The following NTRK3 variants were observed in gnomAD, a reference collection of about 807,000 sequenced individuals.
NTRK3 encodes the protein NT-3 growth factor receptor.
A neutral mutation model predicts 91.7 loss-of-function variants in NTRK3; 24 were observed. The observed-to-expected ratio is 0.26, with a 90% CI of 0.19 to 0.37. The LOEUF (loss-of-function observed/expected upper bound fraction) is 0.37. NTRK3 is among the 10% of genes least tolerant of loss of function. The probability of loss-of-function intolerance (pLI) is 1.00; values close to 1 mark genes in which losing one functional copy is unlikely to be tolerated. For synonymous variants in NTRK3, 483 were observed against 404.0 expected (o/e 1.20, Z -2.34); for missense variants, 880 against 1,068.9 (o/e 0.82, Z 2.46).
intron 13 of NTRK3, among the ~76,000 whole-genome samples, chr15:88,107,183 G>A (rs538443262): frequency 2.2e-4 from 34 of 151,956 alleles, no homozygotes; most frequent in African/African-American, 8.2e-4. Flanking sequence ...GTGCTCACAT[G>A]TGTAATCCCA....
chr15:87,953,081 C>T (rs2141131211), intron 14 of NTRK3, among the ~76,000 whole-genome samples: 1 of 152,362 alleles, frequency 6.6e-6, no homozygotes, highest in South Asian at 2.1e-4. Context: ...ACCACATCCT[C>T]TGAGCTGACT....
chr15:88,113,453 T>C (rs2051672864), intron 13 of NTRK3, among the ~76,000 whole-genome samples: 1 of 151,328 alleles, frequency 6.6e-6, no homozygotes, highest in African/African-American at 2.4e-5. Context: ...GTAGCTGGGA[T>C]TAAAGGTGCA....
intron 14 of NTRK3, among the ~76,000 whole-genome samples, chr15:88,019,067 T>G (rs1173537545): frequency 6.6e-6 from 1 of 152,000 alleles, no homozygotes; most frequent in African/African-American, 2.4e-5. Context: ...GCAGAAATGT[T>G]TCATCACCCA....
At chr15:87,917,546 A>G (rs1340673744) in intron 17 of NTRK3, among the ~76,000 whole-genome samples, 6 of 152,224 alleles carry the variant, frequency 3.9e-5, no homozygotes, top group Non-Finnish European at 5.9e-5. Flanking sequence ...CAATTTAAAA[A>G]TCCATCCTGG....
chr15:88,056,274 C>T (rs1431458505), intron 13 of NTRK3, among the ~76,000 whole-genome samples: 1 of 147,340 alleles, frequency 6.8e-6, no homozygotes. Flanking sequence ...GGAAATAGAG[C>T]AAAATTTATG....
At chr15:88,070,247 G>A (rs1160931377) in intron 13 of NTRK3, among the ~76,000 whole-genome samples, 1 of 152,168 alleles carries the variant, frequency 6.6e-6, no homozygotes, top group African/African-American at 2.4e-5. Context: ...CTGAGATCTA[G>A]CAGCCTTGGG....
At position 88,240,463 on chromosome 15, in the gene NTRK3, G is replaced by C. The variant is rs2052234560; in HGVS notation, c.248+15443C>G. 6.6e-6 allele frequency among the ~76,000 whole-genome samples: 1 copy of C among 152,090 alleles called. No homozygotes were observed. The highest frequency in any genetic ancestry group is 1.5e-5 in the Non-Finnish European group (1 of 68,010). ...ATCTCAAACTCCACTGAGTCCCAAGGGCCCCTTCTACCCCACCCTCCTTAC... is the reference window on the plus strand; with the variant it reads ...ATCTCAAACTCCACTGAGTCCCAAGCGCCCCTTCTACCCCACCCTCCTTAC... On this transcript the variant is annotated intron_variant, in intron 3 of 18. Coordinates refer to ENST00000394480, the Ensembl canonical transcript of NTRK3. The surrounding 1 kb of genome is among the most constrained non-coding windows in gnomAD (Gnocchi z 4.9).
chr15:87,868,694 T>C (rs2064750892), exon 19 of NTRK3: 1 of 219,522 alleles, frequency 4.6e-6, no homozygotes, highest in Admixed American at 5.8e-5. Context: ...AATTTCAGCT[T>C]TGAGGTTCTA....
rs367713904 is a variant in NTRK3 at position 88,169,956 on chromosome 15, C to T, written c.395+13462G>A. Among the ~76,000 whole-genome samples, 381 of 152,232 alleles carry T rather than the reference C, an allele frequency of 2.5e-3. 20 individuals are homozygous for T. In the South Asian group the frequency reaches 0.073, roughly 29 times the overall value. On this transcript the variant is annotated intron_variant, in intron 5 of 18. Transcript: ENST00000394480. ...AAATGCTCCCAGGGAGCCCCAAGTC[C>T]TCATCACACTGTATAGTAAGCATCT...
chr15:87,935,205 T>C (rs995257235), intron 15 of NTRK3, among the ~76,000 whole-genome samples: 1 of 152,084 alleles, frequency 6.6e-6, no homozygotes, highest in East Asian at 1.9e-4. Flanking sequence ...GACATGGAAG[T>C]ATAGAAGAGA....
At chr15:87,878,930 TG>T (rs1361464656) in intron 18 of NTRK3, among the ~76,000 whole-genome samples, 1 of 151,640 alleles carries the variant, frequency 6.6e-6, no homozygotes, top group Non-Finnish European at 1.5e-5. Flanking sequence ...TGTGTGTGTG[TG>T]TGTGTGTGTG....
intron 14 of NTRK3, chr15:87,977,822 G>C: frequency 4.3e-6 from 1 of 232,668 alleles, no homozygotes; most frequent in Non-Finnish European, 8.5e-6. Context: ...CTGGGATCCT[G>C]ACACGAAGAA....
At chr15:87,877,429 C>T (rs1382911879) in intron 18 of NTRK3, among the ~76,000 whole-genome samples, 1 of 152,144 alleles carries the variant, frequency 6.6e-6, no homozygotes, top group Non-Finnish European at 1.5e-5. Flanking sequence ...TTCTCTAGTC[C>T]TGAATCTCAT....
intron 4 of NTRK3, among the ~76,000 whole-genome samples, chr15:88,183,921 G>C (rs914118838): frequency 6.6e-6 from 1 of 152,180 alleles, no homozygotes; most frequent in Non-Finnish European, 1.5e-5. Context: ...CATAAGGGTA[G>C]GGAAAGGACA....
intron 14 of NTRK3, among the ~76,000 whole-genome samples, chr15:87,959,716 C>T (rs76289332): frequency 0.036 from 5,543 of 152,280 alleles, 131 homozygotes; most frequent in Middle Eastern, 0.058. Flanking sequence ...ACAGCATTAA[C>T]TCATTAAAGG....
rs140567280 is a variant in NTRK3 at position 88,078,879 on chromosome 15, G to A, written c.1397-45834C>T. 3.3e-5 allele frequency among the ~76,000 whole-genome samples: 5 copies of A among 152,364 alleles called. No homozygotes were observed. The East Asian group carries it at 5.8e-4, about 18-fold the overall frequency. The stretch of plus-strand genomic sequence containing the variant: ...TGATGTGGCCAGAGTGGACGAGCAC[G>A]GGGGAAAGTGGCAGGGGCTTAGGTC... On this transcript the variant is annotated intron_variant, in intron 13 of 18. Transcript: ENST00000394480.
At chr15:87,994,704 T>C (rs1567200888) in intron 14 of NTRK3, among the ~76,000 whole-genome samples, 1 of 152,134 alleles carries the variant, frequency 6.6e-6, no homozygotes, top group Non-Finnish European at 1.5e-5. Context: ...AGAAGGAAAG[T>C]ACATAATTTG....
chr15:88,181,834 G>T (rs1355560680), intron 5 of NTRK3, among the ~76,000 whole-genome samples: 1 of 152,150 alleles, frequency 6.6e-6, no homozygotes, highest in African/African-American at 2.4e-5. Flanking sequence ...TCTTTGGAGG[G>T]GACACGTGAC....
At chr15:87,893,076 A>G (rs2065929007) in intron 17 of NTRK3, among the ~76,000 whole-genome samples, 1 of 152,166 alleles carries the variant, frequency 6.6e-6, no homozygotes, top group African/African-American at 2.4e-5. Context: ...GGACATATAT[A>G]TTTTTTCAAC....
Sources: allele counts gnomAD v4.1 joint callset (sites outside exome capture counted in the v4.1 genomes callset), GRCh38; gene constraint gnomAD v4.1.1; non-coding constraint Gnocchi (gnomAD v3.1); transcripts MANE v1.5; gene names NCBI Gene and HGNC (gene_info 2026-07-23, HGNC 2026-07-21).